Variants in USP34 observed in about 807,000 individuals in gnomAD.
The protein encoded by USP34 is ubiquitin specific peptidase 34.
In USP34, 70 loss-of-function variants were observed where a neutral mutation model predicts 460.3. The observed-to-expected ratio is 0.15, with a 90% CI of 0.13 to 0.19. The LOEUF is 0.19. Among genes scored for constraint, USP34 ranks in the 10% least tolerant of loss-of-function variants. USP34 has a pLI of 1.00. For synonymous variants in USP34, 1,647 were observed against 1,405.3 expected, an observed-to-expected ratio of 1.17 and a Z score of -3.85; for missense variants, 3,985 against 4,236.2, an observed-to-expected ratio of 0.94 and a Z score of 1.65.
At chr2:61,314,831 C>T in intron 24 of USP34, 44 bp downstream of exon 24, 4 of 1,598,518 alleles carry the variant, frequency 2.5e-6, no homozygotes, top group Non-Finnish European at 3.4e-6. Flanking sequence ...ACAAAACACC[C>T]TCACATAGAA....
intron 33 of USP34, among the ~76,000 whole-genome samples, chr2:61,292,634 T>G (rs538830063): frequency 2.0e-5 from 3 of 152,150 alleles, no homozygotes; most frequent in South Asian, 4.2e-4. Context: ...ACCTGACTCC[T>G]AGGTTCAAAG....
rs190583585 is a variant in USP34, at chr2:61,409,588, C to T, written c.132-3460G>A. ...AATTAGCCAGCCATGGTGGCGGGTGCCTGTAATTCCAGCTACTCAGGAGGC... is the reference window on the plus strand; with the variant it reads ...AATTAGCCAGCCATGGTGGCGGGTGTCTGTAATTCCAGCTACTCAGGAGGC... On this transcript the variant is annotated intron_variant, in intron 2 of 79. Coordinates refer to ENST00000398571, the MANE Select transcript of USP34 (RefSeq NM_014709.4). 3.9e-4 allele frequency among the ~76,000 whole-genome samples: 59 copies of T among 152,132 alleles called. No homozygotes were observed. In the East Asian group the frequency reaches 9.5e-3, roughly 24 times the overall value.
At chr2:61,437,814 T>A (rs952833968) in intron 1 of USP34, among the ~76,000 whole-genome samples, 4 of 150,116 alleles carry the variant, frequency 2.7e-5, no homozygotes, top group East Asian at 1.9e-4. Flanking sequence ...AATAAATAAA[T>A]AAAAAACCTG....
intron 23 of USP34, among the ~76,000 whole-genome samples, chr2:61,317,423 G>T (rs577512537): frequency 1.3e-4 from 20 of 151,984 alleles, no homozygotes; most frequent in African/African-American, 4.6e-4. Flanking sequence ...GCTACTTCGG[G>T]GGCTGAGGCT....
chr2:61,257,892 A>C (rs373437378), intron 44 of USP34, among the ~76,000 whole-genome samples: 32 of 152,318 alleles, frequency 2.1e-4, no homozygotes, highest in South Asian at 6.2e-4. Context: ...AAAACAAAAC[A>C]AACAAAAAAA....
chr2:61,343,759 A>AT, intron 16 of USP34, 56 bp downstream of exon 16: 1 of 1,551,412 alleles, frequency 6.4e-7, no homozygotes, highest in South Asian at 1.1e-5. Flanking sequence ...ACAAAGTAAG[A>AT]TAAATTATTC....
At chr2:61,385,409 C>T (rs768357822) in intron 5 of USP34, among the ~76,000 whole-genome samples, 4 of 151,906 alleles carry the variant, frequency 2.6e-5, no homozygotes, top group Non-Finnish European at 4.4e-5. Flanking sequence ...AGGCCAGGCG[C>T]GGTGGCTCAC....
chr2:61,187,727 T>C lies in USP34; in HGVS notation c.*375A>G, dbSNP rs1359345990. 1 of 465,318 alleles carries C rather than the reference T, an allele frequency of 2.1e-6. No homozygotes were observed. The highest frequency in any genetic ancestry group is 1.4e-4 in the East Asian group (1 of 7,142). 28.8% of individuals were successfully genotyped at this position (465,318 alleles called of 1,614,324 possible). A position where few individuals can be genotyped will look rare whatever the true frequency, so the allele number is the denominator to read the frequency against. On this transcript the variant is annotated 3_prime_UTR_variant, in exon 80 of 80. Coordinates refer to ENST00000398571, the MANE Select transcript of USP34 (RefSeq NM_014709.4). ...CCACAGCGATCGGAGGCAATCTGCC[T>C]CTATAAGGTACAAAACTGGCACAGA...
intron 69 of USP34, among the ~76,000 whole-genome samples, chr2:61,209,183 C>T (rs1687203630): frequency 6.6e-6 from 1 of 152,130 alleles, no homozygotes; most frequent in East Asian, 1.9e-4. Context: ...CTATTAATAT[C>T]TAATCAACTG....
At chr2:61,229,061 GT>G in intron 59 of USP34, 66 bp from the exon 60 acceptor site, 1 of 1,277,440 alleles carries the variant, frequency 7.8e-7, no homozygotes, top group Non-Finnish European at 1.0e-6. Flanking sequence ...GAGAGAAAAA[GT>G]ACTTTTTAAA....
intron 71 of USP34, among the ~76,000 whole-genome samples, chr2:61,206,385 T>C (rs1013571064): frequency 6.6e-6 from 1 of 152,218 alleles, no homozygotes; most frequent in Non-Finnish European, 1.5e-5. Flanking sequence ...CAGTATCTTA[T>C]AGGGACATAA....
At chr2:61,417,616 GT>G (rs1449543305) in intron 2 of USP34, among the ~76,000 whole-genome samples, 1 of 146,380 alleles carries the variant, frequency 6.8e-6, no homozygotes, top group East Asian at 2.0e-4. Context: ...GCATGTTTTT[GT>G]TTTTAACTTC....
intron 8 of USP34, among the ~76,000 whole-genome samples, chr2:61,376,470 T>G (rs1692802923): frequency 6.6e-6 from 1 of 152,204 alleles, no homozygotes; most frequent in African/African-American, 2.4e-5. Context: ...ACACCTAGCC[T>G]GAATGTGTTA....
intron 16 of USP34, among the ~76,000 whole-genome samples, chr2:61,340,010 A>C (rs1691541078): frequency 6.6e-6 from 1 of 152,144 alleles, no homozygotes; most frequent in African/African-American, 2.4e-5. Flanking sequence ...AGTGCCATTT[A>C]GATTTGATAA....
At chr2:61,216,169 A>G (rs756376773) in intron 67 of USP34, among the ~76,000 whole-genome samples, 6 of 152,170 alleles carry the variant, frequency 3.9e-5, no homozygotes, top group African/African-American at 9.7e-5. Flanking sequence ...TTCTTTACCT[A>G]TATACTAGTC....
intron 57 of USP34, among the ~76,000 whole-genome samples, chr2:61,234,202 T>C (rs1156581530): frequency 1.3e-5 from 2 of 152,364 alleles, no homozygotes; most frequent in Non-Finnish European, 2.9e-5. Flanking sequence ...TCCCTTACTC[T>C]ATTTCTATAA....
In USP34 at chr2:61,228,721, TAAAC is replaced by T. The variant is rs760735454; in HGVS notation, c.7369-6_7369-3del. 6.3e-5 allele frequency: 101 copies of T among 1,605,534 alleles called. No homozygotes were observed. Among genetic ancestry groups the T allele is most frequent in the Middle Eastern group, 1.7e-4 (1 of 6,036 alleles). On this transcript the variant is annotated splice_region_variant and splice_polypyrimidine_tract_variant and intron_variant, in intron 60 of 79. Transcript: ENST00000398571. Reference sequence around the variant, plus strand: ...TTGCAATGAAAGCAAAAATTGGCTCTAAACAAACAAACAAACAAAATTTAAAAAT... The same window carrying T: ...TTGCAATGAAAGCAAAAATTGGCTCTAAACAAACAAACAAAATTTAAAAAT...
At chr2:61,426,007 T>C (rs116618135) in intron 1 of USP34, among the ~76,000 whole-genome samples, 113 of 152,100 alleles carry the variant, frequency 7.4e-4, no homozygotes, top group African/African-American at 2.6e-3. Flanking sequence ...CCCAGACATT[T>C]CTACACACAC....
rs1309112914 is a variant in USP34 at position 61,323,419 on chromosome 2, G to C, written c.3013+1956C>G. Reference sequence around the variant, plus strand: ...GTCCCAGCTTACTTGGGAGGCTGAGGCAAGAGAATGGCGTGAACCTGGGAG... The same window carrying C: ...GTCCCAGCTTACTTGGGAGGCTGAGCCAAGAGAATGGCGTGAACCTGGGAG... On this transcript the variant is annotated intron_variant, in intron 21 of 79. Coordinates refer to ENST00000398571, the MANE Select transcript of USP34 (RefSeq NM_014709.4). Among the ~76,000 whole-genome samples, 3 of 151,630 alleles carry C rather than the reference G, an allele frequency of 2.0e-5. No homozygotes were observed. The East Asian group carries it at 5.8e-4, about 29-fold the overall frequency.
Sources: gnomAD v4.1 joint callset for allele counts (sites outside exome capture counted in the v4.1 genomes callset) on GRCh38, gnomAD v4.1.1 for gene constraint, MANE v1.5 for transcripts, NCBI Gene and HGNC (gene_info 2026-07-23, HGNC 2026-07-21) for gene names.